Variants in ZC3H12C observed in about 807,000 individuals in gnomAD.
ZC3H12C encodes probable ribonuclease ZC3H12C.
A neutral mutation model predicts 76.3 loss-of-function variants in ZC3H12C; 20 were observed. That is an observed-to-expected ratio of 0.26 (90% CI 0.18 to 0.38). The LOEUF is 0.38. Ranked by LOEUF, ZC3H12C falls within the 10% of genes least tolerant of loss-of-function variation. The probability of loss-of-function intolerance (pLI) is 1.00; values close to 1 mark genes in which losing one functional copy is unlikely to be tolerated. For missense variants in ZC3H12C, 874 were observed against 1,086.5 expected, an observed-to-expected ratio of 0.80 and a Z score of 2.75; for synonymous variants, 352 against 399.6, an observed-to-expected ratio of 0.88 and a Z score of 1.42.
chr11:110,130,798 C>T (rs937363437), intron 1 of ZC3H12C, among the ~76,000 whole-genome samples: 4 of 152,174 alleles, frequency 2.6e-5, no homozygotes, highest in Admixed American at 6.5e-5. Context: ...GCACACCCCT[C>T]GTTAATACAC....
rs769081063 is a variant in ZC3H12C, at chr11:110,153,027, A to T, written c.882A>T (p.Lys294Asn). The change falls in exon 3 of 6, where the codon AAA becomes AAT. Residue 294 changes from lysine to asparagine, a missense_variant. Around this residue, in one of 3 missense-constraint regions of ZC3H12C, gnomAD observed 269 missense variants for 424.9 expected, o/e 0.63. Transcript: ENST00000278590. ...DITVFVPAWR[K>N]EQSRPDALIT... ...CAGTTTTTGTTCCTGCTTGGAGGAA[A>T]GAGCAATCCCGACCTGATGCTCTCA... 1 of 1,612,008 alleles carries T rather than the reference A, an allele frequency of 6.2e-7. No homozygotes were observed. Among genetic ancestry groups the T allele is most frequent in the Non-Finnish European group, 8.5e-7 (1 of 1,179,014 alleles).
At chr11:110,140,725 C>G (rs1370453601) in intron 2 of ZC3H12C, among the ~76,000 whole-genome samples, 3 of 152,106 alleles carry the variant, frequency 2.0e-5, no homozygotes, top group African/African-American at 7.2e-5. Context: ...TTTGCATGTT[C>G]GTGTGGAGTA....
chr11:110,128,482 TAGTG>T (rs1250531452), intron 1 of ZC3H12C, among the ~76,000 whole-genome samples: 1 of 152,138 alleles, frequency 6.6e-6, no homozygotes, highest in Non-Finnish European at 1.5e-5. Flanking sequence ...TGGCAGGCGT[TAGTG>T]AGCAGATTCC....
At chr11:110,143,251 T>C (rs1862098510) in intron 2 of ZC3H12C, among the ~76,000 whole-genome samples, 1 of 152,198 alleles carries the variant, frequency 6.6e-6, no homozygotes, top group African/African-American at 2.4e-5. Context: ...CTATTGAAGA[T>C]GAGAGGCAGC....
At chr11:110,152,460 A>C (rs2134190787) in intron 2 of ZC3H12C, among the ~76,000 whole-genome samples, 1 of 152,340 alleles carries the variant, frequency 6.6e-6, no homozygotes, top group South Asian at 2.1e-4. Flanking sequence ...TTGAGTATTG[A>C]AATATACACT....
At chr11:110,114,009 T>G (rs893364008) in intron 1 of ZC3H12C, among the ~76,000 whole-genome samples, 1 of 152,136 alleles carries the variant, frequency 6.6e-6, no homozygotes, top group African/African-American at 2.4e-5. Context: ...AGAACACTAT[T>G]CCCTTTTTCA....
At chr11:110,142,293 T>C in intron 2 of ZC3H12C, among the ~76,000 whole-genome samples, 1 of 152,196 alleles carries the variant, frequency 6.6e-6, no homozygotes, top group East Asian at 1.9e-4. Context: ...TTTCCTATTA[T>C]CTCAAGTGTG....
At chr11:110,123,695 A>G (rs1861689931) in intron 1 of ZC3H12C, among the ~76,000 whole-genome samples, 1 of 152,224 alleles carries the variant, frequency 6.6e-6, no homozygotes, top group Admixed American at 6.5e-5. Flanking sequence ...GAGTTAATTC[A>G]TACAGTTTTT....
chr11:110,149,088 G>C (rs1408040218), intron 2 of ZC3H12C, among the ~76,000 whole-genome samples: 1 of 152,160 alleles, frequency 6.6e-6, no homozygotes, highest in Non-Finnish European at 1.5e-5. Context: ...TGAGCCACCA[G>C]GTAACTGTCT....
At chr11:110,105,873 A>T (rs1229814340) in intron 1 of ZC3H12C, among the ~76,000 whole-genome samples, 4 of 152,342 alleles carry the variant, frequency 2.6e-5, no homozygotes, top group South Asian at 2.1e-4. Flanking sequence ...CCAGTTTTTT[A>T]ATTGTAATAA....
At position 110,166,934 on chromosome 11, in the gene ZC3H12C, G is replaced by C. The variant is rs1426073211; in HGVS notation, c.*1197G>C. 8.5e-5 allele frequency: 13 copies of C among 152,108 alleles called. No homozygotes were observed. The highest frequency in any genetic ancestry group is 8.5e-4 in the Admixed American group (13 of 15,270). 9.4% of individuals were successfully genotyped at this position (152,108 alleles called of 1,614,324 possible). A position where few individuals can be genotyped will look rare whatever the true frequency, so the allele number is the denominator to read the frequency against. ...TTGGGGGGGCCTGTTATATTATTAAGGCCAGACTCTTGCCACAAATAGTGT... is the reference window on the plus strand; with the variant it reads ...TTGGGGGGGCCTGTTATATTATTAACGCCAGACTCTTGCCACAAATAGTGT... On this transcript the variant is annotated 3_prime_UTR_variant, in exon 6 of 6. Transcript: ENST00000278590.
intron 1 of ZC3H12C, among the ~76,000 whole-genome samples, chr11:110,115,878 A>AGCCTAC (rs1320395595): frequency 2.7e-5 from 4 of 150,454 alleles, no homozygotes; most frequent in Non-Finnish European, 5.9e-5. Flanking sequence ...CTCCTGCCTC[A>AGCCTAC]GCCTCACAAG....
At position 110,170,061 on chromosome 11, in the gene ZC3H12C, AT is replaced by A. The variant is rs1862648702; in HGVS notation, c.*4326del. ...AAATCATAATTGCATTTCAGTTGAC[AT>A]TAAAAGAAAATCTGGTAGTTTTTGA... On this transcript the variant is annotated 3_prime_UTR_variant, in exon 6 of 6. Transcript: ENST00000278590. The A allele has an allele frequency of 6.6e-6, 1 of 152,246 alleles. No individual in the cohort carries two copies. Among genetic ancestry groups the A allele is most frequent in the Non-Finnish European group, 1.5e-5 (1 of 68,022 alleles). 9.4% of individuals were successfully genotyped at this position (152,246 alleles called of 1,614,324 possible). A position where few individuals can be genotyped will look rare whatever the true frequency, so the allele number is the denominator to read the frequency against.
rs1361835734 is a variant in ZC3H12C, at chr11:110,171,380, T to A, written c.*5643T>A. 1.3e-5 allele frequency: 2 copies of A among 152,242 alleles called. No homozygotes were observed. Among genetic ancestry groups the A allele is most frequent in the African/African-American group, 4.8e-5 (2 of 41,466 alleles). 9.4% of individuals were successfully genotyped at this position (152,242 alleles called of 1,614,324 possible). A position where few individuals can be genotyped will look rare whatever the true frequency, so the allele number is the denominator to read the frequency against. On this transcript the variant is annotated 3_prime_UTR_variant, in exon 6 of 6. Coordinates refer to ENST00000278590, the MANE Select transcript of ZC3H12C (RefSeq NM_033390.2). The stretch of plus-strand genomic sequence containing the variant: ...TTTGTCCTCCCAAACCAGAGTCATA[T>A]GCTGCTAGTAGAATTTTTTATTTGA...
At chr11:110,159,519 T>C in intron 4 of ZC3H12C, 29 bp downstream of exon 4, 1 of 1,511,388 alleles carries the variant, frequency 6.6e-7, no homozygotes, top group African/African-American at 1.4e-5. Flanking sequence ...TTGCCAATGA[T>C]ACTGCTTCTG....
chr11:110,104,348 G>A (rs1414652082), intron 1 of ZC3H12C, among the ~76,000 whole-genome samples: 1 of 152,068 alleles, frequency 6.6e-6, no homozygotes, highest in Admixed American at 6.5e-5. Flanking sequence ...TAAGGAGTGA[G>A]CCACCGCACC....
rs1862596133 is a variant in ZC3H12C, at chr11:110,166,987, C to G, written c.*1250C>G. On this transcript the variant is annotated 3_prime_UTR_variant, in exon 6 of 6. Coordinates refer to ENST00000278590, the MANE Select transcript of ZC3H12C (RefSeq NM_033390.2). ...TTTTAGATACAGACTAAGGTCTGTT[C>G]TAGTATTAGTAAGGGATATTTCTGG... 6.6e-6 allele frequency: 1 copy of G among 152,132 alleles called. No homozygotes were observed. Among genetic ancestry groups the G allele is most frequent in the South Asian group, 2.1e-4 (1 of 4,814 alleles). 9.4% of individuals were successfully genotyped at this position (152,132 alleles called of 1,614,324 possible).
Position 110,164,228 on chromosome 11 carries a change from C to A in ZC3H12C, c.1256-113C>A. The A allele has an allele frequency of 1.1e-6, 1 of 946,692 alleles. No individual in the cohort carries two copies. Among genetic ancestry groups the A allele is most frequent in the Non-Finnish European group, 1.5e-6 (1 of 651,596 alleles). 58.6% of individuals were successfully genotyped at this position (946,692 alleles called of 1,614,324 possible). On this transcript the variant is annotated intron_variant, in intron 5 of 5. Transcript: ENST00000278590. The surrounding 1 kb of genome is among the most constrained non-coding windows in gnomAD (Gnocchi z 5.7). ...GAGTAAAGAACAGAGTGACACTTAG[C>A]ACAGCTCCCATTTCTATCGTTGTCT...
At chr11:110,153,084 G>A (rs753734872) in intron 3 of ZC3H12C, 26 bp downstream of exon 3, 76 of 1,601,576 alleles carry the variant, frequency 4.7e-5, no homozygotes, top group Non-Finnish European at 6.3e-5. Flanking sequence ...GCGGCTGCTT[G>A]TACCTAGCTT....
Sources: allele counts gnomAD v4.1 joint callset (sites outside exome capture counted in the v4.1 genomes callset), GRCh38; gene constraint gnomAD v4.1.1; regional missense constraint gnomAD v4.1.1; non-coding constraint Gnocchi (gnomAD v3.1); transcripts MANE v1.5; gene names NCBI Gene and HGNC (gene_info 2026-07-23, HGNC 2026-07-21).